RPRD2: variants seen among roughly 807,000 people sequenced by gnomAD.
The protein encoded by RPRD2 is regulation of nuclear pre-mRNA domain containing 2.
Under a neutral mutation model 104.4 loss-of-function variants are expected in RPRD2, and 12 were observed. That is an observed-to-expected ratio of 0.11 (90% CI 0.07 to 0.19). The LOEUF (loss-of-function observed/expected upper bound fraction) is 0.19, where lower values mean the gene tolerates loss of function less well. RPRD2 is among the 10% of genes least tolerant of loss of function. The probability of loss-of-function intolerance (pLI) is 1.00; values close to 1 mark genes in which losing one functional copy is unlikely to be tolerated. For missense variants in RPRD2, 1,543 were observed against 1,790.1 expected (o/e 0.86, Z 2.49); for synonymous variants, 714 against 684.9 (o/e 1.04, Z -0.66).
At chr1:150,376,865 CTCTTA>C (rs1660736525) in intron 1 of RPRD2, among the ~76,000 whole-genome samples, 1 of 150,598 alleles carries the variant, frequency 6.6e-6, no homozygotes, top group African/African-American at 2.4e-5. Context: ...GATTAAAATT[CTCTTA>C]TAATATGTTA....
rs373510243 is a variant in RPRD2 at position 150,473,201 on chromosome 1, G to A, written c.4253G>A (p.Arg1418Gln). 3.7e-5 allele frequency: 59 copies of A among 1,613,810 alleles called. No individual in the cohort carries two copies. The South Asian group carries it at 4.0e-4, about 11-fold the overall frequency. ...SRSGIILRSP[R>Q]PDFRPREPFL... is the part of the protein sequence containing the mutation. ...AGTGGTATAATCTTACGGAGTCCCCGGCCAGACTTTCGGCCTAGGGAACCT... is the reference window on the plus strand; with the variant it reads ...AGTGGTATAATCTTACGGAGTCCCCAGCCAGACTTTCGGCCTAGGGAACCT... The change falls in exon 11 of 11, where the codon CGG becomes CAG. Residue 1418 changes from arginine (R) to glutamine (Q), a missense_variant. Arg to Gln is a conservative substitution (Grantham distance 43, BLOSUM62 1). This residue lies in a region of RPRD2 where 880 missense variants were observed against 885.6 expected (regional missense o/e 0.99). Coordinates refer to ENST00000369068, the MANE Select transcript of RPRD2 (RefSeq NM_015203.5).
In RPRD2 at chr1:150,441,970, A is replaced by T. The variant is rs782598844; in HGVS notation, c.514+12A>T. 9 of 1,581,522 alleles carry T rather than the reference A, an allele frequency of 5.7e-6. No homozygotes were observed. Among genetic ancestry groups the T allele is most frequent in the Non-Finnish European group, 7.8e-6 (9 of 1,154,504 alleles). On this transcript the variant is annotated intron_variant, in intron 4 of 10. Coordinates refer to ENST00000369068, the MANE Select transcript of RPRD2 (RefSeq NM_015203.5). ...GAAGAAATCACAAAGTAAGGAACAA[A>T]ATCTCAACTAATATAAAATTACCTC...
intron 1 of RPRD2, among the ~76,000 whole-genome samples, chr1:150,391,024 A>G (rs1274384367): frequency 3.9e-5 from 6 of 152,226 alleles, no homozygotes; most frequent in African/African-American, 4.8e-5. Flanking sequence ...TGGGTATTCT[A>G]TCCTCAGTAT....
Position 150,364,807 on chromosome 1 carries a change from C to T in RPRD2, c.93C>T (p.Phe31=). The T allele has an allele frequency of 6.2e-7, 1 of 1,613,848 alleles. No individual in the cohort carries two copies. The highest frequency in any genetic ancestry group is 1.7e-5 in the Admixed American group (1 of 60,002). ...TGGAGTCCTCGTTGGATCGAAAATT[C>T]CAGTCGGTAACCAACACCATGGAGT... The part of the protein sequence containing the change: ...GALESSLDRK[F]QSVTNTMESI... Residue 31 remains phenylalanine (F), a synonymous_variant, in exon 1 of 11, where the codon TTC becomes TTT. Coordinates refer to ENST00000369068, the MANE Select transcript of RPRD2 (RefSeq NM_015203.5).
Position 150,471,283 on chromosome 1 carries a change from C to T in RPRD2, c.2335C>T (p.Pro779Ser), listed in dbSNP as rs779511166. Reference sequence around the variant, plus strand: ...ACCCCCTGGGAGAGATGAAAGCTACCCCCGAGAGCTCTCCAATTCTGTATC... The same window carrying T: ...ACCCCCTGGGAGAGATGAAAGCTACTCCCGAGAGCTCTCCAATTCTGTATC... The part of the protein sequence containing the change: ...SPPPGRDESY[P>S]RELSNSVSTY... The change falls in exon 11 of 11, where the codon CCC (proline) becomes TCC (serine). Residue 779 changes from proline to serine, a missense_variant. Coordinates refer to ENST00000369068, the MANE Select transcript of RPRD2 (RefSeq NM_015203.5). This position sits in a 1 kb window ranked among gnomAD's most constrained non-coding sequence, Gnocchi z 5.3. 4 of 1,613,658 alleles carry T rather than the reference C, an allele frequency of 2.5e-6. No individual in the cohort carries two copies. The highest frequency in any genetic ancestry group is 3.4e-6 in the Non-Finnish European group (4 of 1,179,856).
chr1:150,472,973 T>C lies in RPRD2; in HGVS notation c.4025T>C (p.Val1342Ala). 6.2e-7 allele frequency: 1 copy of C among 1,613,860 alleles called. No individual in the cohort carries two copies. Among genetic ancestry groups the C allele is most frequent in the Non-Finnish European group, 8.5e-7 (1 of 1,179,836 alleles). Reference protein sequence around the residue: ...LQGTLAEHFGVLPGPRDHGGP... With the variant: ...LQGTLAEHFGALPGPRDHGGP... ...GGGACCCTGGCTGAGCATTTTGGGG[T>C]ACTCCCAGGACCCAGGGACCACGGG... is the stretch of plus-strand genomic sequence containing the variant. Residue 1342 changes from valine to alanine, a missense_variant, in exon 11 of 11, where the codon GTA becomes GCA. Physicochemically the swap from Val to Ala is moderately conservative, Grantham distance 64. This residue lies in a region of RPRD2 where 880 missense variants were observed against 885.6 expected (regional missense o/e 0.99). Coordinates refer to ENST00000369068, the MANE Select transcript of RPRD2 (RefSeq NM_015203.5).
intron 10 of RPRD2, among the ~76,000 whole-genome samples, chr1:150,465,797 G>A (rs1668223644): frequency 6.6e-6 from 1 of 152,036 alleles, no homozygotes; most frequent in Non-Finnish European, 1.5e-5. Flanking sequence ...AGTTGCTCAC[G>A]CCTGTAATCC....
At chr1:150,369,849 C>T (rs909114134) in intron 1 of RPRD2, among the ~76,000 whole-genome samples, 6 of 151,682 alleles carry the variant, frequency 4.0e-5, no homozygotes, top group Non-Finnish European at 2.9e-5. Flanking sequence ...GGCGGAATCT[C>T]GGCTCACTGC....
rs782380147 is a variant in RPRD2 at position 150,375,182 on chromosome 1, A to C, written c.205+10263A>C. ...TTGTGAGACTTTCCAAGCAGTTGTT[A>C]TCTTCTTCCTTTTAGCTGCTTAGTC... On this transcript the variant is annotated intron_variant, in intron 1 of 10. Transcript: ENST00000369068. Among the ~76,000 whole-genome samples, 4 of 152,120 alleles carry C rather than the reference A, an allele frequency of 2.6e-5. No individual in the cohort carries two copies. The South Asian group carries it at 8.3e-4, about 32-fold the overall frequency.
intron 1 of RPRD2, among the ~76,000 whole-genome samples, chr1:150,391,101 TATTA>T (rs1454125252): frequency 1.1e-4 from 16 of 152,270 alleles, no homozygotes; most frequent in Middle Eastern, 3.4e-3. Flanking sequence ...AATTATAGAT[TATTA>T]ATTACTTACA....
chr1:150,378,544 T>G (rs1373547690), intron 1 of RPRD2, among the ~76,000 whole-genome samples: 1 of 152,206 alleles, frequency 6.6e-6, no homozygotes, highest in Non-Finnish European at 1.5e-5. Flanking sequence ...GCCTTGCACC[T>G]GCCCATTCTC....
rs147895219 is a variant in RPRD2, at chr1:150,431,388, C to T, written c.336-9535C>T. Among the ~76,000 whole-genome samples, 705 of 149,482 alleles carry T rather than the reference C, an allele frequency of 4.7e-3. 2 individuals are homozygous for T. The highest frequency in any genetic ancestry group is 0.014 in the Middle Eastern group (4 of 286). On this transcript the variant is annotated intron_variant, in intron 2 of 10. Transcript: ENST00000369068. ...TATTCACAGTAGTCAAAAGGAAGAA[C>T]AGTCTACATGTTTGTCAGTGGATGA... is the stretch of plus-strand genomic sequence containing the variant.
chr1:150,386,639 G>A (rs587639916), intron 1 of RPRD2, among the ~76,000 whole-genome samples: 2 of 152,074 alleles, frequency 1.3e-5, no homozygotes, highest in Admixed American at 1.3e-4. Context: ...GTGGCACTTT[G>A]TGTGGGTCTC....
chr1:150,453,072 G>T (rs1168427706), intron 7 of RPRD2, among the ~76,000 whole-genome samples: 1 of 146,288 alleles, frequency 6.8e-6, no homozygotes, highest in Non-Finnish European at 1.5e-5. Context: ...TCGTGCTGTT[G>T]CCCAGGCTGG....
Position 150,473,531 on chromosome 1 carries a change from T to A in RPRD2, c.*197T>A. On this transcript the variant is annotated 3_prime_UTR_variant, in exon 11 of 11. Coordinates refer to ENST00000369068, the MANE Select transcript of RPRD2 (RefSeq NM_015203.5). ...TCAATCCTCCCTCCCATTGCACTTA[T>A]CTACCTTCCCCAAGTTGTTTGTATT... 4.4e-6 allele frequency: 1 copy of A among 226,514 alleles called. No individual in the cohort carries two copies. The highest frequency in any genetic ancestry group is 8.1e-6 in the Non-Finnish European group (1 of 123,256). The allele number at this position is 226,514 out of a possible 1,614,324, so 14.0% of individuals were successfully genotyped here.
chr1:150,402,723 T>G (rs1201088993), intron 1 of RPRD2, among the ~76,000 whole-genome samples: 1 of 151,688 alleles, frequency 6.6e-6, no homozygotes, highest in African/African-American at 2.4e-5. Context: ...TCCCAGCACT[T>G]TGGGAGGCCG....
chr1:150,387,204 C>T lies in RPRD2; in HGVS notation c.205+22285C>T, dbSNP rs148802713. On this transcript the variant is annotated intron_variant, in intron 1 of 10. Coordinates refer to ENST00000369068, the MANE Select transcript of RPRD2 (RefSeq NM_015203.5). ...TGAAAAATCCACGTATAAGTGAGAC[C>T]TGTGCAGTTCAAACTTGTGTTGTTC... 2.0e-5 allele frequency among the ~76,000 whole-genome samples: 3 copies of T among 152,108 alleles called. No individual in the cohort carries two copies. The East Asian group carries it at 5.8e-4, about 29-fold the overall frequency.
At chr1:150,445,205 A>G (rs1666678064) in intron 6 of RPRD2, among the ~76,000 whole-genome samples, 1 of 152,178 alleles carries the variant, frequency 6.6e-6, no homozygotes, top group Non-Finnish European at 1.5e-5. Context: ...AAAACAAACA[A>G]TTTAACATAT....
intron 1 of RPRD2, among the ~76,000 whole-genome samples, chr1:150,365,791 A>G (rs1392101774): frequency 2.0e-5 from 3 of 151,952 alleles, no homozygotes; most frequent in Non-Finnish European, 4.4e-5. Flanking sequence ...GGGTTTCATC[A>G]TTGTGGCCTG....
Sources: gnomAD v4.1 joint callset for allele counts (sites outside exome capture counted in the v4.1 genomes callset) on GRCh38, gnomAD v4.1.1 for gene constraint, gnomAD v4.1.1 regional missense constraint, Gnocchi (gnomAD v3.1) non-coding constraint, MANE v1.5 for transcripts, NCBI Gene and HGNC (gene_info 2026-07-23, HGNC 2026-07-21) for gene names.